The following TCF12 variants were observed in gnomAD, a reference collection of about 807,000 sequenced individuals.
TCF12 encodes the protein transcription factor 12.
In TCF12, 45 loss-of-function variants were observed where a neutral mutation model predicts 86.0. That is an observed-to-expected ratio of 0.52 (90% confidence interval 0.41 to 0.67). The LOEUF (loss-of-function observed/expected upper bound fraction) is 0.67. Ranked by LOEUF, TCF12 falls within the 30% of genes least tolerant of loss-of-function variation. The probability of loss-of-function intolerance (pLI) is 0.00; values close to 1 mark genes in which losing one functional copy is unlikely to be tolerated. For missense variants in TCF12, 881 were observed against 859.9 expected (o/e 1.02, Z -0.31); for synonymous variants, 330 against 299.6 (o/e 1.10, Z -1.05).
chr15:57,075,804 T>TTCTTTCTTTCTCTCTCTCTCTCTC (rs1461514777), intron 4 of TCF12, among the ~76,000 whole-genome samples: 13 of 28,592 alleles, frequency 4.5e-4, no homozygotes, highest in East Asian at 1.5e-3. Context: ...CTTTCTTTCT[T>TTCTTTCTTTCTCTCTCTCTCTCTC]TCTCTCTCTC....
chr15:57,240,741 G>T (rs1384117831), intron 12 of TCF12, among the ~76,000 whole-genome samples: 1 of 151,890 alleles, frequency 6.6e-6, no homozygotes, highest in East Asian at 1.9e-4. Context: ...AATGTTGGGT[G>T]TGGTGGTGAG....
intron 5 of TCF12, among the ~76,000 whole-genome samples, chr15:57,149,813 A>G (rs1462544505): frequency 6.6e-6 from 1 of 152,166 alleles, no homozygotes; most frequent in Non-Finnish European, 1.5e-5. Flanking sequence ...ACAGAAGTCA[A>G]GTTTTGTTAT....
At chr15:57,198,404 G>C (rs909623614) in intron 8 of TCF12, among the ~76,000 whole-genome samples, 2 of 152,076 alleles carry the variant, frequency 1.3e-5, no homozygotes, top group Non-Finnish European at 2.9e-5. Flanking sequence ...CAAGCAACTA[G>C]TTTGTTGATC....
intron 8 of TCF12, among the ~76,000 whole-genome samples, chr15:57,218,136 G>A (rs1173804090): frequency 6.6e-6 from 1 of 152,124 alleles, no homozygotes; most frequent in Non-Finnish European, 1.5e-5. Flanking sequence ...TGGGGGGATA[G>A]GGGGTCCCTT....
At chr15:57,021,874 T>C (rs1400107190) in intron 3 of TCF12, among the ~76,000 whole-genome samples, 2 of 152,070 alleles carry the variant, frequency 1.3e-5, no homozygotes, top group Non-Finnish European at 2.9e-5. Flanking sequence ...CTGATTTTGG[T>C]ATGTGCAGGG....
At chr15:57,207,967 A>T (rs561624180) in intron 8 of TCF12, among the ~76,000 whole-genome samples, 1 of 152,086 alleles carries the variant, frequency 6.6e-6, no homozygotes, top group Non-Finnish European at 1.5e-5. Context: ...CTTATCGTGA[A>T]TGAAGAACTA....
chr15:56,950,506 G>A (rs572379986), intron 3 of TCF12, among the ~76,000 whole-genome samples: 11 of 151,922 alleles, frequency 7.2e-5, no homozygotes, highest in African/African-American at 2.2e-4. Context: ...GATTACAGGC[G>A]TGAGCCACTG....
chr15:57,080,011 A>G (rs1330070067), intron 4 of TCF12, among the ~76,000 whole-genome samples: 1 of 152,206 alleles, frequency 6.6e-6, no homozygotes, highest in Non-Finnish European at 1.5e-5. Context: ...CTTTCTTGAA[A>G]AATAATTTAG....
At chr15:57,116,326 T>G (rs2050834561) in intron 5 of TCF12, among the ~76,000 whole-genome samples, 2 of 152,186 alleles carry the variant, frequency 1.3e-5, no homozygotes, top group Admixed American at 1.3e-4. Context: ...GAATATTCTA[T>G]TATTTTTTAC....
At chr15:57,254,498 C>A (rs540172719) in intron 16 of TCF12, among the ~76,000 whole-genome samples, 1 of 152,020 alleles carries the variant, frequency 6.6e-6, no homozygotes, top group Non-Finnish European at 1.5e-5. Flanking sequence ...GAAAATCAGT[C>A]TCCTTTTAAA....
Position 57,263,236 on chromosome 15 carries a change from C to T in TCF12, c.1707C>T (p.Ser569=). The change falls in exon 18 of 21, where the codon TCC becomes TCT. Residue 569 remains serine (S), a synonymous_variant. Transcript: ENST00000333725. The part of the protein sequence containing the change: ...SDDMKSDDES[S]QKDIKVSSRG... ...ACATGAAGTCAGATGATGAATCCTCCCAAAAAGATATCAAGGTTTCATCTA... is the reference window on the plus strand; with the variant it reads ...ACATGAAGTCAGATGATGAATCCTCTCAAAAAGATATCAAGGTTTCATCTA... The T allele has an allele frequency of 1.9e-6, 3 of 1,611,076 alleles. No homozygotes were observed. The highest frequency in any genetic ancestry group is 2.5e-6 in the Non-Finnish European group (3 of 1,179,298).
chr15:57,188,677 C>T (rs1174325364), intron 6 of TCF12, among the ~76,000 whole-genome samples: 1 of 152,176 alleles, frequency 6.6e-6, no homozygotes, highest in Non-Finnish European at 1.5e-5. Flanking sequence ...GATACCAAAA[C>T]TACTGAATAG....
rs1395970089 is a variant in TCF12 at position 57,262,147 on chromosome 15, G to A, written c.1521G>A (p.Leu507=). The A allele has an allele frequency of 3.7e-6, 6 of 1,613,600 alleles. No individual in the cohort carries two copies. Among genetic ancestry groups the A allele is most frequent in the African/African-American group, 1.3e-5 (1 of 74,872 alleles). Residue 507 remains leucine (L), a synonymous_variant, in exon 17 of 21, where the codon CTG becomes CTA. Transcript: ENST00000333725. ...GTCTCAATGGCAATCATTCAGTCCTGTCTAGTACAGTCACTACTTCAAGCA... is the reference window on the plus strand; with the variant it reads ...GTCTCAATGGCAATCATTCAGTCCTATCTAGTACAGTCACTACTTCAAGCA... ...SVSLNGNHSV[L]SSTVTTSSTD... is the part of the protein sequence containing the mutation.
intron 5 of TCF12, among the ~76,000 whole-genome samples, chr15:57,121,797 A>C (rs76554931): frequency 0.045 from 6,908 of 152,280 alleles, 447 homozygotes; most frequent in African/African-American, 0.15. Context: ...ACAGCAGCAC[A>C]AATGGTCTGA....
In TCF12 at chr15:56,953,269, T is replaced by A. The variant is rs535710176; in HGVS notation, c.148+32171T>A. Among the ~76,000 whole-genome samples, 7 of 152,232 alleles carry A rather than the reference T, an allele frequency of 4.6e-5. No homozygotes were observed. The South Asian group carries it at 1.4e-3, about 32-fold the overall frequency. Reference sequence around the variant, plus strand: ...ATTTGTTAAATTTTATTTAGAATTTTTCATGTGTGTTTATGAAGAATATTG... The same window carrying A: ...ATTTGTTAAATTTTATTTAGAATTTATCATGTGTGTTTATGAAGAATATTG... On this transcript the variant is annotated intron_variant, in intron 3 of 20. Coordinates refer to ENST00000333725, the MANE Select transcript of TCF12 (RefSeq NM_207037.2).
chr15:57,180,806 ATTTTTTTTT>A (rs34557385), intron 6 of TCF12, among the ~76,000 whole-genome samples: 14 of 82,128 alleles, frequency 1.7e-4, no homozygotes, highest in African/African-American at 6.7e-4. Context: ...GATGCTAATA[ATTTTTTTTT>A]TTTTTTTTTT....
At chr15:57,266,086 A>ATTATTTATTTATTTATTTAT (rs60211131) in intron 18 of TCF12, among the ~76,000 whole-genome samples, 1 of 110,190 alleles carries the variant, frequency 9.1e-6, no homozygotes, top group Admixed American at 8.2e-5. Flanking sequence ...TTTTGTTTTT[A>ATTATTTATTTATTTATTTAT]TTATTTATTT....
chr15:57,128,323 G>T (rs555668562), intron 5 of TCF12, among the ~76,000 whole-genome samples: 2 of 152,098 alleles, frequency 1.3e-5, no homozygotes, highest in African/African-American at 2.4e-5. Flanking sequence ...AACTTCTACC[G>T]CATTTGACAA....
At chr15:57,125,541 A>G (rs572311745) in intron 5 of TCF12, among the ~76,000 whole-genome samples, 1 of 152,358 alleles carries the variant, frequency 6.6e-6, no homozygotes, top group African/African-American at 2.4e-5. Context: ...TTAAACTTAA[A>G]GATACCAGAC....
Sources: allele counts gnomAD v4.1 joint callset (sites outside exome capture counted in the v4.1 genomes callset), GRCh38; gene constraint gnomAD v4.1.1; transcripts MANE v1.5; gene names NCBI Gene and HGNC (gene_info 2026-07-23, HGNC 2026-07-21).